Variants in RBFOX1 observed in about 807,000 individuals in gnomAD.
The protein encoded by RBFOX1 is RNA binding fox-1 homolog 1, also known as RNA binding protein fox-1 homolog 1.
A neutral mutation model predicts 57.7 loss-of-function variants in RBFOX1; 8 were observed. The ratio of observed to expected loss-of-function variants is 0.14; its 90% CI spans 0.08 to 0.25. The LOEUF (loss-of-function observed/expected upper bound fraction) is 0.25, where lower values mean the gene tolerates loss of function less well. RBFOX1 is among the 10% of genes least tolerant of loss of function. The pLI, the probability that RBFOX1 is intolerant of heterozygous loss-of-function variation, is 1.00. For synonymous variants in RBFOX1, 326 were observed against 222.4 expected, an observed-to-expected ratio of 1.47 and a Z score of -4.15; for missense variants, 611 against 548.5, an observed-to-expected ratio of 1.11 and a Z score of -1.14.
At chr16:7,393,486 T>G (rs774298153) in intron 4 of RBFOX1, among the ~76,000 whole-genome samples, 6 of 152,154 alleles carry the variant, frequency 3.9e-5, no homozygotes, top group Non-Finnish European at 8.8e-5. Context: ...ACCCCATCTG[T>G]CTTAGGTCAG....
Position 7,144,417 on chromosome 16 carries a change from C to CTTCTTTTTTTTTTTTT in RBFOX1, c.27+92321_27+92322insCTTTTTTTTTTTTTTT, listed in dbSNP as rs3046798. Among the ~76,000 whole-genome samples, 47 of 66,928 alleles carry CTTCTTTTTTTTTTTTT rather than the reference C, an allele frequency of 7.0e-4. 2 individuals are homozygous for CTTCTTTTTTTTTTTTT. Among genetic ancestry groups the CTTCTTTTTTTTTTTTT allele is most frequent in the Admixed American group, 1.2e-3 (5 of 4,326 alleles). 43.9% of individuals were successfully genotyped at this position (66,928 alleles called of 152,430 possible). A position where few individuals can be genotyped will look rare whatever the true frequency, so the allele number is the denominator to read the frequency against. Reference sequence around the variant, plus strand: ...TCTTTTCTCTTTCTTTTTCTTTCTTCTTTTTTTTTTTTTTTTTTTTTGAGT... The same window carrying CTTCTTTTTTTTTTTTT: ...TCTTTTCTCTTTCTTTTTCTTTCTTCTTCTTTTTTTTTTTTTTTTTTTTTTTTTTTTTTTTTTGAGT... On this transcript the variant is annotated intron_variant, in intron 4 of 15. Transcript: ENST00000550418.
intron 3 of RBFOX1, among the ~76,000 whole-genome samples, chr16:5,805,519 C>T (rs937734426): frequency 2.6e-5 from 4 of 152,068 alleles, no homozygotes; most frequent in African/African-American, 7.2e-5. Context: ...GGTGGCCCTG[C>T]CAGAAACAGA....
At chr16:6,154,601 G>A (rs1038274218) in intron 1 of RBFOX1, among the ~76,000 whole-genome samples, 5 of 152,168 alleles carry the variant, frequency 3.3e-5, no homozygotes, top group Non-Finnish European at 7.3e-5. Flanking sequence ...CATTATTGCT[G>A]TTTATTTCCT....
At chr16:6,556,576 C>A (rs573060973) in intron 2 of RBFOX1, among the ~76,000 whole-genome samples, 16 of 152,242 alleles carry the variant, frequency 1.1e-4, no homozygotes, top group African/African-American at 3.9e-4. Context: ...ATGAGACATT[C>A]TTGTCATTTT....
chr16:7,084,113 A>T (rs1252798031), intron 4 of RBFOX1, among the ~76,000 whole-genome samples: 1 of 152,186 alleles, frequency 6.6e-6, no homozygotes, highest in Non-Finnish European at 1.5e-5. Context: ...AATGTGTGGG[A>T]CAGACCTGGT....
intron 2 of RBFOX1, among the ~76,000 whole-genome samples, chr16:6,619,365 C>G (rs2098192070): frequency 6.6e-6 from 1 of 152,110 alleles, no homozygotes; most frequent in Admixed American, 6.5e-5. Flanking sequence ...CTTTAAATAG[C>G]CATCTATGCC....
intron 1 of RBFOX1, among the ~76,000 whole-genome samples, chr16:6,144,592 G>A (rs1455897035): frequency 6.6e-6 from 1 of 152,166 alleles, no homozygotes; most frequent in Non-Finnish European, 1.5e-5. Context: ...TTCTTGTAAT[G>A]CATCTGTAGC....
chr16:5,988,815 G>A (rs1196618015), intron 4 of RBFOX1, among the ~76,000 whole-genome samples: 2 of 152,046 alleles, frequency 1.3e-5, no homozygotes, highest in African/African-American at 2.4e-5. Context: ...CAGCTTAAAT[G>A]CATAGTGATA....
chr16:6,232,449 A>C (rs982704112), intron 1 of RBFOX1, among the ~76,000 whole-genome samples: 1 of 152,208 alleles, frequency 6.6e-6, no homozygotes, highest in African/African-American at 2.4e-5. Context: ...CTAACATGAC[A>C]GCCCTTTGGG....
At chr16:7,237,946 G>C (rs967700587) in intron 4 of RBFOX1, among the ~76,000 whole-genome samples, 3 of 152,224 alleles carry the variant, frequency 2.0e-5, no homozygotes, top group African/African-American at 7.2e-5. Flanking sequence ...GGAGGTTACA[G>C]TGAGCCCACG....
intron 3 of RBFOX1, among the ~76,000 whole-genome samples, chr16:6,910,824 A>G (rs369046530): frequency 2.6e-5 from 4 of 152,158 alleles, no homozygotes; most frequent in East Asian, 1.9e-4. Flanking sequence ...GTTGACTGGT[A>G]TATCTAAGCT....
chr16:5,545,684 G>C (rs2045166775), intron 2 of RBFOX1, among the ~76,000 whole-genome samples: 1 of 151,938 alleles, frequency 6.6e-6, no homozygotes, highest in Non-Finnish European at 1.5e-5. Context: ...CATCAAGTAG[G>C]AATGTAAGGA....
chr16:5,554,731 A>G (rs1233130317), intron 2 of RBFOX1, among the ~76,000 whole-genome samples: 1 of 152,218 alleles, frequency 6.6e-6, no homozygotes, highest in African/African-American at 2.4e-5. Context: ...CGTCTCAGGG[A>G]TTATGAATTG....
At chr16:6,389,663 C>T (rs773676815) in intron 2 of RBFOX1, among the ~76,000 whole-genome samples, 1 of 152,120 alleles carries the variant, frequency 6.6e-6, no homozygotes, top group Non-Finnish European at 1.5e-5. Flanking sequence ...CAAGAGTAAA[C>T]ATGAGGTAGG....
chr16:7,640,392 A>G (rs2062575522), intron 11 of RBFOX1, among the ~76,000 whole-genome samples: 1 of 152,242 alleles, frequency 6.6e-6, no homozygotes, highest in African/African-American at 2.4e-5. Context: ...TCATTTTTTC[A>G]GATGGGTGTC....
At chr16:5,718,724 T>C (rs1039051387) in intron 3 of RBFOX1, among the ~76,000 whole-genome samples, 4 of 152,216 alleles carry the variant, frequency 2.6e-5, no homozygotes, top group Admixed American at 1.3e-4. Flanking sequence ...CTGGCCGACA[T>C]GGTGGAATCC....
chr16:7,510,596 T>C (rs2074817403), intron 4 of RBFOX1, among the ~76,000 whole-genome samples: 1 of 152,182 alleles, frequency 6.6e-6, no homozygotes, highest in Non-Finnish European at 1.5e-5. Context: ...AATGGTGTCC[T>C]TTTGCATTTT....
intron 3 of RBFOX1, among the ~76,000 whole-genome samples, chr16:6,977,052 CATGT>C (rs2087142143): frequency 1.4e-5 from 2 of 140,304 alleles, no homozygotes; most frequent in African/African-American, 5.2e-5. Context: ...TATCATATAT[CATGT>C]ATGAGATATA....
intron 1 of RBFOX1, among the ~76,000 whole-genome samples, chr16:5,407,706 G>A (rs565278770): frequency 8.5e-5 from 13 of 152,246 alleles, no homozygotes; most frequent in African/African-American, 2.9e-4. Context: ...CCACCACCAC[G>A]CTGGGCTAAT....
Sources: allele counts gnomAD v4.1 joint callset (sites outside exome capture counted in the v4.1 genomes callset), GRCh38; gene constraint gnomAD v4.1.1; transcripts MANE v1.5; gene names NCBI Gene and HGNC (gene_info 2026-07-23, HGNC 2026-07-21).